The following NUAK1 variants were observed in gnomAD, a reference collection of about 807,000 sequenced individuals.
The protein encoded by NUAK1 is NUAK family kinase 1.
A neutral mutation model predicts 56.9 loss-of-function variants in NUAK1; 26 were observed. The ratio of observed to expected loss-of-function variants is 0.46; its 90% CI spans 0.33 to 0.63. The LOEUF is 0.63. NUAK1 is among the 30% of genes least tolerant of loss of function. The pLI is 0.02. For synonymous variants in NUAK1, 337 were observed against 336.0 expected, an observed-to-expected ratio of 1.00 and a Z score of -0.03; for missense variants, 727 against 876.1, an observed-to-expected ratio of 0.83 and a Z score of 2.15.
chr12:106,138,718 T>A lies in NUAK1; in HGVS notation c.-65A>T. On this transcript the variant is annotated 5_prime_UTR_variant, in exon 1 of 7. Transcript: ENST00000261402. This position sits in a 1 kb window ranked among gnomAD's most constrained non-coding sequence, Gnocchi z 5.0. ...CGGGCACAGCGCTGGGATGTCGGGGTCCCCACCGAGGGAAGCCGCTGTACG... is the reference window on the plus strand; with the variant it reads ...CGGGCACAGCGCTGGGATGTCGGGGACCCCACCGAGGGAAGCCGCTGTACG... 2.1e-6 allele frequency: 3 copies of A among 1,432,012 alleles called. No individual in the cohort carries two copies. Among genetic ancestry groups the A allele is most frequent in the East Asian group, 5.1e-5 (2 of 38,932 alleles). The allele number at this position is 1,432,012 out of a possible 1,614,324, so 88.7% of individuals were successfully genotyped here.
intron 1 of NUAK1, among the ~76,000 whole-genome samples, chr12:106,113,329 T>C (rs1361840732): frequency 6.6e-6 from 1 of 151,872 alleles, no homozygotes; most frequent in African/African-American, 2.4e-5. Context: ...TCGTGCTGAG[T>C]GGGCATGCCA....
intron 6 of NUAK1, among the ~76,000 whole-genome samples, chr12:106,070,201 A>G (rs2032390935): frequency 6.6e-6 from 1 of 152,300 alleles, no homozygotes; most frequent in East Asian, 1.9e-4. Context: ...TCTGCTTACA[A>G]CTGTAGGAGA....
chr12:106,085,819 G>GTC (rs1398290592), intron 3 of NUAK1, among the ~76,000 whole-genome samples: 1 of 152,118 alleles, frequency 6.6e-6, no homozygotes, highest in Admixed American at 6.5e-5. Flanking sequence ...GGATCCTCCT[G>GTC]TCTCAGCCTC....
chr12:106,096,225 T>C (rs1005200769), intron 2 of NUAK1, among the ~76,000 whole-genome samples: 1 of 152,120 alleles, frequency 6.6e-6, no homozygotes, highest in African/African-American at 2.4e-5. Flanking sequence ...AAATATTGAA[T>C]TCCAGGAAAC....
chr12:106,076,959 T>G (rs562278386), intron 4 of NUAK1, among the ~76,000 whole-genome samples: 1 of 152,302 alleles, frequency 6.6e-6, no homozygotes, highest in East Asian at 1.9e-4. Flanking sequence ...TGAGTATACT[T>G]AATGCCACTG....
chr12:106,137,265 T>G (rs566597777), intron 1 of NUAK1, among the ~76,000 whole-genome samples: 2 of 152,170 alleles, frequency 1.3e-5, no homozygotes, highest in Admixed American at 1.3e-4. Context: ...AGCTGCTATT[T>G]TATTTGACAG....
Position 106,138,652 on chromosome 12 carries a change from ATG to A in NUAK1, c.-1_1del. 6.5e-7 allele frequency: 1 copy of A among 1,529,166 alleles called. No homozygotes were observed. Among genetic ancestry groups the A allele is most frequent in the Non-Finnish European group, 8.7e-7 (1 of 1,147,726 alleles). The allele number at this position is 1,529,166 out of a possible 1,614,324, so 94.7% of individuals were successfully genotyped here. ...CGCCACAGGCGCGGCGGCCCCTTCC[ATG>A]TCCAAGCGCGGGGCGAGCCGGGCTA... On this transcript the variant is annotated start_lost and start_retained_variant and 5_prime_UTR_variant, in exon 1 of 7. Transcript: ENST00000261402. This position sits in a 1 kb window ranked among gnomAD's most constrained non-coding sequence, Gnocchi z 5.0.
intron 2 of NUAK1, 134 bp downstream of exon 2, chr12:106,106,271 C>T: frequency 1.4e-6 from 1 of 736,304 alleles, no homozygotes; most frequent in South Asian, 2.1e-5. Flanking sequence ...GAGATAACAC[C>T]CGACTATTTT....
Position 106,138,586 on chromosome 12 carries a change from G to A in NUAK1, c.68C>T (p.Pro23Leu), listed in dbSNP as rs774028905. Residue 23 changes from proline to leucine, a missense_variant, in exon 1 of 7, where the codon CCC becomes CTC. Coordinates refer to ENST00000261402, the MANE Select transcript of NUAK1 (RefSeq NM_014840.3). The surrounding 1 kb of genome is among the most constrained non-coding windows in gnomAD (Gnocchi z 5.0). ...PDLGLGAPGS[P>L]REAVAGATAA... Reference sequence around the variant, plus strand: ...AGTCGCCCCCGCCACCGCCTCTCGGGGAGAGCCCGGCGCCCCCAGCCCCAA... The same window carrying A: ...AGTCGCCCCCGCCACCGCCTCTCGGAGAGAGCCCGGCGCCCCCAGCCCCAA... 1 of 1,591,670 alleles carries A rather than the reference G, an allele frequency of 6.3e-7. No homozygotes were observed. Among genetic ancestry groups the A allele is most frequent in the Non-Finnish European group, 8.5e-7 (1 of 1,175,322 alleles).
intron 2 of NUAK1, among the ~76,000 whole-genome samples, chr12:106,094,188 T>G (rs1422314879): frequency 1.3e-5 from 2 of 151,998 alleles, no homozygotes; most frequent in Non-Finnish European, 2.9e-5. Flanking sequence ...TTGCCTTCCA[T>G]CAGGTCCGTC....
chr12:106,080,239 G>C (rs1272985647), intron 4 of NUAK1, among the ~76,000 whole-genome samples: 3 of 152,136 alleles, frequency 2.0e-5, no homozygotes, highest in African/African-American at 7.2e-5. Context: ...TTGTCTTAAG[G>C]GGCAGCAGGC....
intron 4 of NUAK1, among the ~76,000 whole-genome samples, chr12:106,077,643 G>A (rs951842158): frequency 1.1e-4 from 16 of 152,078 alleles, no homozygotes; most frequent in Admixed American, 9.2e-4. Context: ...AACCCAAGGC[G>A]CTTTAGATAA....
At chr12:106,110,098 C>G (rs1043188756) in intron 1 of NUAK1, among the ~76,000 whole-genome samples, 39 of 152,142 alleles carry the variant, frequency 2.6e-4, no homozygotes, top group African/African-American at 9.4e-4. Context: ...CCATTATCAG[C>G]AGGGCTCCTG....
intron 2 of NUAK1, chr12:106,103,996 G>C (rs1468410360): frequency 1.3e-5 from 2 of 151,436 alleles, no homozygotes; most frequent in Non-Finnish European, 2.9e-5. Context: ...CTCTTGGGCA[G>C]TTCGTTATAG....
At chr12:106,076,248 T>G (rs904181414) in intron 4 of NUAK1, among the ~76,000 whole-genome samples, 3 of 152,162 alleles carry the variant, frequency 2.0e-5, no homozygotes, top group Non-Finnish European at 4.4e-5. Flanking sequence ...TTCCAGGGCA[T>G]AAGAAGTTTT....
At chr12:106,120,042 TC>T (rs1323053304) in intron 1 of NUAK1, among the ~76,000 whole-genome samples, 1 of 152,156 alleles carries the variant, frequency 6.6e-6, no homozygotes, top group Non-Finnish European at 1.5e-5. Flanking sequence ...AACCAAAGCA[TC>T]CGATTAACCA....
intron 4 of NUAK1, among the ~76,000 whole-genome samples, 176 bp downstream of exon 4, chr12:106,083,688 G>A (rs2032541849): frequency 6.6e-6 from 1 of 152,142 alleles, no homozygotes; most frequent in Admixed American, 6.6e-5. Context: ...ATAACTGCTT[G>A]TCGCATTTAA....
At chr12:106,122,000 C>G (rs959849007) in intron 1 of NUAK1, among the ~76,000 whole-genome samples, 1 of 152,114 alleles carries the variant, frequency 6.6e-6, no homozygotes, top group Non-Finnish European at 1.5e-5. Context: ...ATCTTGTGTG[C>G]GACACTTTCT....
At chr12:106,124,175 T>C (rs528306569) in intron 1 of NUAK1, among the ~76,000 whole-genome samples, 87 of 152,304 alleles carry the variant, frequency 5.7e-4, no homozygotes, top group African/African-American at 2.1e-3. Flanking sequence ...CATCACCAGA[T>C]GAAAAAGTAA....
Sources: gnomAD v4.1 joint callset for allele counts (sites outside exome capture counted in the v4.1 genomes callset) on GRCh38, gnomAD v4.1.1 for gene constraint, Gnocchi (gnomAD v3.1) non-coding constraint, MANE v1.5 for transcripts, NCBI Gene and HGNC (gene_info 2026-07-23, HGNC 2026-07-21) for gene names.